Variants in RBFOX1 observed in about 807,000 individuals in gnomAD.
The protein encoded by RBFOX1 is RNA binding protein fox-1 homolog 1.
Under a neutral mutation model 57.7 loss-of-function variants are expected in RBFOX1, and 8 were observed. That is an observed-to-expected ratio of 0.14 (90% confidence interval 0.08 to 0.25). The LOEUF (loss-of-function observed/expected upper bound fraction) is 0.25. RBFOX1 is among the 10% of genes least tolerant of loss of function. RBFOX1 has a pLI of 1.00. For synonymous variants in RBFOX1, 326 were observed against 222.4 expected (o/e 1.47, Z -4.15); for missense variants, 611 against 548.5 (o/e 1.11, Z -1.14).
At chr16:5,974,585 G>A (rs2060025513) in intron 4 of RBFOX1, among the ~76,000 whole-genome samples, 1 of 152,124 alleles carries the variant, frequency 6.6e-6, no homozygotes, top group South Asian at 2.1e-4. Context: ...ACTTGAGCCT[G>A]GGCGACAGAG....
chr16:6,188,801 G>A (rs2097124007), intron 1 of RBFOX1, among the ~76,000 whole-genome samples: 1 of 152,130 alleles, frequency 6.6e-6, no homozygotes, highest in South Asian at 2.1e-4. Context: ...CCTTCCTACC[G>A]CTGATACTTT....
At chr16:7,195,141 G>C (rs1411701349) in intron 4 of RBFOX1, among the ~76,000 whole-genome samples, 1 of 152,074 alleles carries the variant, frequency 6.6e-6, no homozygotes, top group Non-Finnish European at 1.5e-5. Flanking sequence ...ACCATGTTTT[G>C]TGCCTCATAT....
intron 2 of RBFOX1, among the ~76,000 whole-genome samples, chr16:5,557,875 A>T (rs570960836): frequency 6.6e-6 from 1 of 152,322 alleles, no homozygotes; most frequent in African/African-American, 2.4e-5. Context: ...TCAAGACCTT[A>T]GTGGCCACAC....
chr16:5,672,787 G>T (rs570793194), intron 3 of RBFOX1, among the ~76,000 whole-genome samples: 3 of 152,144 alleles, frequency 2.0e-5, no homozygotes, highest in Admixed American at 6.5e-5. Flanking sequence ...GCTAAATTCA[G>T]TGGTTTCTGA....
At chr16:7,145,528 A>ATT (rs80323380) in intron 4 of RBFOX1, among the ~76,000 whole-genome samples, 8 of 151,112 alleles carry the variant, frequency 5.3e-5, no homozygotes, top group African/African-American at 1.9e-4. Flanking sequence ...TTGCCATGTG[A>ATT]TTTTTTTTTC....
At chr16:5,550,148 C>G (rs1165164721) in intron 2 of RBFOX1, among the ~76,000 whole-genome samples, 3 of 152,228 alleles carry the variant, frequency 2.0e-5, no homozygotes, top group African/African-American at 7.2e-5. Context: ...ACAAGCATCA[C>G]TGCAGAACCA....
intron 4 of RBFOX1, among the ~76,000 whole-genome samples, chr16:7,333,303 G>C (rs1339325854): frequency 1.3e-5 from 2 of 152,172 alleles, no homozygotes; most frequent in Non-Finnish European, 2.9e-5. Context: ...AGCTATATTT[G>C]CTTGTATTGA....
chr16:6,314,559 C>A (rs564081106), intron 1 of RBFOX1, among the ~76,000 whole-genome samples: 2 of 152,010 alleles, frequency 1.3e-5, no homozygotes, highest in African/African-American at 4.8e-5. Flanking sequence ...AGGTTGTAAT[C>A]GAAGGGCTAA....
intron 2 of RBFOX1, among the ~76,000 whole-genome samples, chr16:6,643,853 C>T (rs1176398632): frequency 3.3e-5 from 5 of 151,940 alleles, no homozygotes; most frequent in South Asian, 2.1e-4. Context: ...AGGCTGAGCA[C>T]GCTGGGTCAT....
chr16:5,982,517 C>T (rs1430911387), intron 4 of RBFOX1, among the ~76,000 whole-genome samples: 1 of 152,134 alleles, frequency 6.6e-6, no homozygotes, highest in Non-Finnish European at 1.5e-5. Context: ...CTCAGGTGAT[C>T]CGCCTTCCCC....
At chr16:5,247,818 C>G (rs1340246149) in intron 1 of RBFOX1, among the ~76,000 whole-genome samples, 1 of 152,178 alleles carries the variant, frequency 6.6e-6, no homozygotes, top group African/African-American at 2.4e-5. Flanking sequence ...CCCTGACATC[C>G]CAGGCGGCCA....
At chr16:7,445,842 G>T (rs1020977438) in intron 4 of RBFOX1, among the ~76,000 whole-genome samples, 3 of 152,086 alleles carry the variant, frequency 2.0e-5, no homozygotes, top group African/African-American at 7.2e-5. Context: ...CTCAATATTT[G>T]CTCATTGAAG....
intron 2 of RBFOX1, among the ~76,000 whole-genome samples, chr16:5,592,269 G>C (rs2047032852): frequency 6.6e-6 from 1 of 151,884 alleles, no homozygotes; most frequent in Non-Finnish European, 1.5e-5. Flanking sequence ...AATTTTCTCA[G>C]ATTGCCCTTT....
At chr16:6,969,242 T>C (rs1213604440) in intron 3 of RBFOX1, among the ~76,000 whole-genome samples, 1 of 152,184 alleles carries the variant, frequency 6.6e-6, no homozygotes, top group Non-Finnish European at 1.5e-5. Flanking sequence ...ATGAAGTTCT[T>C]GGGAAGACCT....
intron 4 of RBFOX1, among the ~76,000 whole-genome samples, chr16:7,095,906 G>A (rs1379823716): frequency 6.6e-6 from 1 of 151,562 alleles, no homozygotes; most frequent in Non-Finnish European, 1.5e-5. Context: ...CCAGCTACTT[G>A]GGAGGCTGAG....
At chr16:6,642,142 A>C (rs2098496750) in intron 2 of RBFOX1, among the ~76,000 whole-genome samples, 1 of 152,274 alleles carries the variant, frequency 6.6e-6, no homozygotes, top group East Asian at 1.9e-4. Flanking sequence ...CAGGTGACTG[A>C]CAGAAGGCAG....
At chr16:5,462,110 C>A (rs1407904512) in intron 1 of RBFOX1, among the ~76,000 whole-genome samples, 1 of 151,720 alleles carries the variant, frequency 6.6e-6, no homozygotes, top group African/African-American at 2.4e-5. Flanking sequence ...GAACGCTGTG[C>A]TTGCCTACAT....
At chr16:5,326,551 C>T (rs922224082) in intron 1 of RBFOX1, among the ~76,000 whole-genome samples, 2 of 152,192 alleles carry the variant, frequency 1.3e-5, no homozygotes, top group Non-Finnish European at 2.9e-5. Context: ...GATGCACTCC[C>T]TGCCCATTCT....
chr16:5,533,490 A>G (rs964184948), intron 2 of RBFOX1, among the ~76,000 whole-genome samples: 1 of 152,166 alleles, frequency 6.6e-6, no homozygotes, highest in Non-Finnish European at 1.5e-5. Context: ...TGATGGTGGC[A>G]TGAGTGCTTG....
Sources: allele counts gnomAD v4.1 joint callset (sites outside exome capture counted in the v4.1 genomes callset), GRCh38; gene constraint gnomAD v4.1.1; transcripts MANE v1.5; gene names NCBI Gene and HGNC (gene_info 2026-07-23, HGNC 2026-07-21).